Variants in COL4A2 observed in about 807,000 individuals in gnomAD.
The protein encoded by COL4A2 is collagen type IV alpha 2 chain, also known as collagen alpha-2(IV) chain.
A neutral mutation model predicts 200.2 loss-of-function variants in COL4A2; 99 were observed. The observed-to-expected ratio is 0.49, with a 90% CI of 0.42 to 0.58. The LOEUF (loss-of-function observed/expected upper bound fraction) is 0.58, where lower values mean the gene tolerates loss of function less well. COL4A2 is among the 20% of genes least tolerant of loss of function. The pLI, the probability that COL4A2 is intolerant of heterozygous loss-of-function variation, is 0.00. For missense variants in COL4A2, 1,950 were observed against 2,314.1 expected (o/e 0.84, Z 3.23); for synonymous variants, 897 against 900.6 (o/e 1.00, Z 0.07).
At chr13:110,497,165 G>A (rs927476774) in intron 40 of COL4A2, among the ~76,000 whole-genome samples, 18 of 151,680 alleles carry the variant, frequency 1.2e-4, no homozygotes, top group African/African-American at 2.7e-4. Context: ...TAGGGTCAGC[G>A]CACCAGCAGA....
chr13:110,416,211 C>T (rs1880037476), intron 4 of COL4A2, among the ~76,000 whole-genome samples: 1 of 152,236 alleles, frequency 6.6e-6, no homozygotes, highest in Admixed American at 6.5e-5. Flanking sequence ...TGCATGTCAG[C>T]AGTGCTAAAT....
At chr13:110,358,101 C>T (rs1332178584) in intron 4 of COL4A2, among the ~76,000 whole-genome samples, 1 of 152,210 alleles carries the variant, frequency 6.6e-6, no homozygotes, top group Non-Finnish European at 1.5e-5. Flanking sequence ...AACTTTTTGA[C>T]TGTTTTTGCA....
chr13:110,430,335 TA>T, intron 8 of COL4A2, 65 bp from the exon 9 acceptor site: 7 of 1,586,454 alleles, frequency 4.4e-6, no homozygotes, highest in Non-Finnish European at 6.0e-6. Flanking sequence ...AACTCTGCAA[TA>T]AAAGGTAAGT....
At chr13:110,410,466 G>A (rs1879788445) in intron 4 of COL4A2, among the ~76,000 whole-genome samples, 1 of 152,176 alleles carries the variant, frequency 6.6e-6, no homozygotes, top group Admixed American at 6.5e-5. Context: ...TCAGTGACAT[G>A]GACTCCAAGT....
intron 41 of COL4A2, among the ~76,000 whole-genome samples, chr13:110,502,074 A>G (rs561222896): frequency 6.6e-6 from 1 of 152,308 alleles, no homozygotes; most frequent in South Asian, 2.1e-4. Flanking sequence ...TCCTCACTGT[A>G]TTGTGTTTAG....
intron 45 of COL4A2, 80 bp from the exon 46 acceptor site, chr13:110,506,335 G>T: frequency 2.1e-6 from 3 of 1,417,638 alleles, no homozygotes; most frequent in Non-Finnish European, 2.9e-6. Context: ...GGCTGTAGGT[G>T]CACCAGGCCG....
intron 34 of COL4A2, among the ~76,000 whole-genome samples, chr13:110,488,359 C>T (rs1451596292): frequency 6.6e-6 from 1 of 152,178 alleles, no homozygotes; most frequent in Non-Finnish European, 1.5e-5. Context: ...TCATGTTAGG[C>T]CATGCTTGTA....
rs1037873349 is a variant in COL4A2, at chr13:110,512,853, A to G, written c.*662A>G. 1 of 152,322 alleles carries G rather than the reference A, an allele frequency of 6.6e-6. No homozygotes were observed. Among genetic ancestry groups the G allele is most frequent in the Admixed American group, 6.5e-5 (1 of 15,288 alleles). 9.4% of individuals were successfully genotyped at this position (152,322 alleles called of 1,614,324 possible). ...AGAAGTGGAGACCTTTCTAGACATC[A>G]TTGTCAGCCTTGCTACTTGAAGGTA... is the stretch of plus-strand genomic sequence containing the variant. On this transcript the variant is annotated 3_prime_UTR_variant, in exon 48 of 48. Transcript: ENST00000360467.
intron 4 of COL4A2, among the ~76,000 whole-genome samples, chr13:110,415,956 A>G (rs548533797): frequency 6.6e-6 from 1 of 152,398 alleles, no homozygotes; most frequent in East Asian, 1.9e-4. Context: ...TAAGAATACC[A>G]GGAAAATATT....
At chr13:110,394,787 C>G (rs564546248) in intron 4 of COL4A2, among the ~76,000 whole-genome samples, 4 of 152,276 alleles carry the variant, frequency 2.6e-5, no homozygotes, top group Admixed American at 2.6e-4. Flanking sequence ...TGTAATACAT[C>G]AAAACATACA....
chr13:110,505,210 C>T lies in COL4A2; in HGVS notation c.4402+946C>T, dbSNP rs575885681. Among the ~76,000 whole-genome samples, 118 of 151,958 alleles carry T rather than the reference C, an allele frequency of 7.8e-4. 2 individuals are homozygous for T. In the East Asian group the frequency reaches 0.016, roughly 21 times the overall value. On this transcript the variant is annotated intron_variant, in intron 45 of 47. Transcript: ENST00000360467. ...CTAAAAATACAAAAAATTAGCCGGG[C>T]GTGGTGGCGGGCGCCAGTAGTCCCA...
intron 22 of COL4A2, 160 bp from the exon 23 acceptor site, chr13:110,461,954 G>A (rs1296750115): frequency 9.9e-7 from 1 of 1,014,404 alleles, no homozygotes; most frequent in Non-Finnish European, 1.4e-6. Flanking sequence ...AGCTGGATGG[G>A]GGCGTATCCA....
intron 4 of COL4A2, among the ~76,000 whole-genome samples, chr13:110,422,347 T>C (rs1880285776): frequency 6.6e-6 from 1 of 151,560 alleles, no homozygotes; most frequent in East Asian, 1.9e-4. Flanking sequence ...CCACTAAGCA[T>C]TGGAGATAGA....
chr13:110,381,220 C>T (rs1228984968), intron 4 of COL4A2, among the ~76,000 whole-genome samples: 3 of 151,500 alleles, frequency 2.0e-5, no homozygotes, highest in Non-Finnish European at 4.4e-5. Context: ...TTCTATCTCA[C>T]ACCCATGGAC....
chr13:110,509,270 T>TATATATATACAC (rs1435137108), intron 47 of COL4A2, among the ~76,000 whole-genome samples: 2 of 115,600 alleles, frequency 1.7e-5, no homozygotes, highest in Non-Finnish European at 3.4e-5. Context: ...TATATATATA[T>TATATATATACAC]ACACACACAC....
intron 40 of COL4A2, among the ~76,000 whole-genome samples, chr13:110,499,352 C>T (rs370449640): frequency 1.3e-5 from 2 of 152,166 alleles, no homozygotes; most frequent in Admixed American, 6.5e-5. Context: ...TCTTCACTGG[C>T]GGCAGGAGAG....
intron 16 of COL4A2, among the ~76,000 whole-genome samples, chr13:110,444,939 C>T (rs889203070): frequency 6.6e-6 from 1 of 152,202 alleles, no homozygotes; most frequent in African/African-American, 2.4e-5. Context: ...CAACCTCAAA[C>T]TCCTGGGTTC....
intron 20 of COL4A2, among the ~76,000 whole-genome samples, chr13:110,452,937 G>T (rs187723519): frequency 6.6e-6 from 1 of 151,690 alleles, no homozygotes. Context: ...GGCTAATTTT[G>T]TAATTTTGGT....
At chr13:110,371,867 A>G (rs1248990106) in intron 4 of COL4A2, among the ~76,000 whole-genome samples, 1 of 152,226 alleles carries the variant, frequency 6.6e-6, no homozygotes, top group Non-Finnish European at 1.5e-5. Flanking sequence ...CCCAGTTCTT[A>G]TCCTACTGAT....
Sources: gnomAD v4.1 joint callset for allele counts (sites outside exome capture counted in the v4.1 genomes callset) on GRCh38, gnomAD v4.1.1 for gene constraint, MANE v1.5 for transcripts, NCBI Gene and HGNC (gene_info 2026-07-23, HGNC 2026-07-21) for gene names.